FAH: variants seen among roughly 807,000 people sequenced by gnomAD.
FAH encodes the protein fumarylacetoacetate hydrolase.
In FAH, 47 loss-of-function variants were observed where a neutral mutation model predicts 55.8. The ratio of observed to expected loss-of-function variants is 0.84; its 90% CI spans 0.67 to 1.07. The LOEUF (loss-of-function observed/expected upper bound fraction) is 1.07, where lower values mean the gene tolerates loss of function less well. Among genes scored for constraint, FAH ranks in the 50% least tolerant of loss-of-function variants. The pLI, the probability that FAH is intolerant of heterozygous loss-of-function variation, is 0.00. For missense variants in FAH, 495 were observed against 545.9 expected, an observed-to-expected ratio of 0.91 and a Z score of 0.93; for synonymous variants, 199 against 207.7, an observed-to-expected ratio of 0.96 and a Z score of 0.36.
chr15:80,175,781 A>G (rs150212254), intron 10 of FAH, among the ~76,000 whole-genome samples: 76 of 152,326 alleles, frequency 5.0e-4, no homozygotes, highest in African/African-American at 1.7e-3. Flanking sequence ...TTTGTCATCT[A>G]TGAAATGGGA....
chr15:80,172,099 C>T (rs1375261741), intron 7 of FAH, 50 bp from the exon 8 acceptor site: 2 of 1,363,730 alleles, frequency 1.5e-6, no homozygotes, highest in Non-Finnish European at 2.1e-6. Context: ...TGACAAGTGA[C>T]CTGGGCGGCA....
At chr15:80,177,272 A>G (rs756551627) in intron 10 of FAH, 13 of 500,240 alleles carry the variant, frequency 2.6e-5, no homozygotes, top group Non-Finnish European at 4.4e-5. Context: ...TTCTGAGGCT[A>G]CATATGGACT....
intron 13 of FAH, among the ~76,000 whole-genome samples, chr15:80,185,347 A>T (rs2041361565): frequency 1.3e-5 from 2 of 152,314 alleles, no homozygotes; most frequent in South Asian, 4.2e-4. Context: ...CTATCATAAG[A>T]TCCATTGCAC....
rs779516322 is a variant in FAH, at chr15:80,159,764, C to T, written c.201C>T (p.Leu67=). The T allele has an allele frequency of 1.2e-6, 2 of 1,614,196 alleles. No homozygotes were observed. Among genetic ancestry groups the T allele is most frequent in the Non-Finnish European group, 1.7e-6 (2 of 1,180,034 alleles). Residue 67 remains leucine (L), a synonymous_variant, in exon 3 of 14, where the codon CTC becomes CTT. Coordinates refer to ENST00000561421, the MANE Select transcript of FAH (RefSeq NM_000137.4). ...CCCTGTTTTGGTCTTAGCCTACACT[C>T]AACAGCTTCATGGGCCTGGGTCAGG... ...KHQDVFNQPT[L]NSFMGLGQAA...
intron 2 of FAH, 59 bp from the exon 3 acceptor site, chr15:80,159,697 G>C (rs904876714): frequency 6.2e-7 from 1 of 1,610,180 alleles, no homozygotes; most frequent in African/African-American, 1.3e-5. Flanking sequence ...CCATTGGAAG[G>C]AGGGATACTC....
downstream of FAH, chr15:80,186,863 T>C (rs542639541): frequency 6.3e-5 from 10 of 159,714 alleles, 1 homozygote; most frequent in East Asian, 1.6e-3. Flanking sequence ...AAAAGTACTT[T>C]CTTAGAAACA....
chr15:80,157,447 T>C (rs1263149568), intron 1 of FAH: 1 of 163,942 alleles, frequency 6.1e-6, no homozygotes, highest in Non-Finnish European at 1.4e-5. Context: ...GACCAGGACT[T>C]AACAAATATT....
chr15:80,164,873 G>T (rs1466818456), intron 5 of FAH, among the ~76,000 whole-genome samples: 1 of 152,152 alleles, frequency 6.6e-6, no homozygotes, highest in African/African-American at 2.4e-5. Context: ...TTTGCTCCAG[G>T]TTACACATGC....
At chr15:80,170,812 A>G (rs1043669473) in intron 7 of FAH, among the ~76,000 whole-genome samples, 1 of 152,238 alleles carries the variant, frequency 6.6e-6, no homozygotes, top group Non-Finnish European at 1.5e-5. Context: ...ATTGTCACAG[A>G]ACAAATAAAA....
intron 8 of FAH, 44 bp downstream of exon 8, chr15:80,172,292 G>A (rs778557117): frequency 2.0e-6 from 3 of 1,467,760 alleles, no homozygotes; most frequent in Non-Finnish European, 2.9e-6. Context: ...CGGGGAGGAG[G>A]CTGGGGACTT....
chr15:80,172,913 C>T, intron 8 of FAH, 101 bp from the exon 9 acceptor site: 2 of 1,482,528 alleles, frequency 1.3e-6, no homozygotes, highest in South Asian at 2.3e-5. Flanking sequence ...GTGGAGATGG[C>T]AGTGCTAGGT....
At chr15:80,162,484 CT>C in intron 5 of FAH, 148 bp downstream of exon 5, 1 of 740,504 alleles carries the variant, frequency 1.4e-6, no homozygotes, top group African/African-American at 1.7e-5. Context: ...AAGCAGTGGT[CT>C]CAGCTTCTGG....
intron 1 of FAH, chr15:80,157,684 A>G (rs1298764618): frequency 2.9e-6 from 1 of 342,624 alleles, no homozygotes; most frequent in Non-Finnish European, 5.7e-6. Flanking sequence ...AAACCTGGAA[A>G]ATAATCCAAC....
At position 80,180,195 on chromosome 15, in the gene FAH, C is replaced by T; in HGVS notation, c.1032C>T (p.Asp344=). The T allele has an allele frequency of 6.2e-7, 1 of 1,609,136 alleles. No individual in the cohort carries two copies. The highest frequency in any genetic ancestry group is 8.5e-7 in the Non-Finnish European group (1 of 1,179,966). ...ACGGCTGCAACCTGCGGCCGGGGGACCTCCTGGCTTCTGGGACCATCAGCG... is the reference window on the plus strand; with the variant it reads ...ACGGCTGCAACCTGCGGCCGGGGGATCTCCTGGCTTCTGGGACCATCAGCG... ...SVNGCNLRPG[D]LLASGTISGP... is the part of the protein sequence containing the mutation. The change falls in exon 12 of 14, where the codon GAC becomes GAT. Residue 344 remains aspartate (D), a synonymous_variant. Coordinates refer to ENST00000561421, the MANE Select transcript of FAH (RefSeq NM_000137.4).
intron 8 of FAH, among the ~76,000 whole-genome samples, 182 bp downstream of exon 8, chr15:80,172,430 C>T (rs975967998): frequency 1.4e-5 from 2 of 141,120 alleles, no homozygotes; most frequent in African/African-American, 5.0e-5. Flanking sequence ...TCACTTAACT[C>T]CTCTGAGCTC....
At chr15:80,159,944 T>A (rs1424711612) in intron 3 of FAH, 67 bp downstream of exon 3, 3 of 1,571,274 alleles carry the variant, frequency 1.9e-6, no homozygotes, top group Non-Finnish European at 2.6e-6. Flanking sequence ...TGTGTGGTTA[T>A]CAGTGCCATT....
chr15:80,164,660 G>A (rs910091235), intron 5 of FAH, among the ~76,000 whole-genome samples: 3 of 152,174 alleles, frequency 2.0e-5, no homozygotes, highest in Non-Finnish European at 4.4e-5. Flanking sequence ...CTTTCCTCAG[G>A]GGAGTGGCCG....
chr15:80,153,978 T>C (rs375269826), intron 1 of FAH, among the ~76,000 whole-genome samples: 110 of 152,326 alleles, frequency 7.2e-4, no homozygotes, highest in African/African-American at 2.6e-3. Context: ...GGCAGTTGGC[T>C]TCTTCTTGGA....
rs1370273 is a variant in FAH, at chr15:80,159,926, G to A, written c.314+49G>A. On this transcript the variant is annotated intron_variant, in intron 3 of 13. Coordinates refer to ENST00000561421, the MANE Select transcript of FAH (RefSeq NM_000137.4). ...GGGATGAGGGGATGCAGCAGGGGAGGTGAAGGCTGTGTGGTTATCAGTGCC... is the reference window on the plus strand; with the variant it reads ...GGGATGAGGGGATGCAGCAGGGGAGATGAAGGCTGTGTGGTTATCAGTGCC... 0.61 allele frequency: 967,307 copies of A among 1,598,154 alleles called. 295,056 individuals are homozygous for A. Among genetic ancestry groups the A allele is most frequent in the East Asian group, 0.8 (35,431 of 44,498 alleles).
Sources: allele counts gnomAD v4.1 joint callset (sites outside exome capture counted in the v4.1 genomes callset), GRCh38; gene constraint gnomAD v4.1.1; transcripts MANE v1.5; gene names NCBI Gene and HGNC (gene_info 2026-07-23, HGNC 2026-07-21).